SLF1: variants seen among roughly 807,000 people sequenced by gnomAD.
SLF1 encodes SMC5/6 complex localization factor 1, also known as SMC5-SMC6 complex localization factor protein 1.
SLF1 carries 105 observed loss-of-function variants against 123.0 expected under a neutral mutation model. The ratio of observed to expected loss-of-function variants is 0.85; its 90% CI spans 0.73 to 1.00. The LOEUF (loss-of-function observed/expected upper bound fraction) is 1.00, where lower values mean the gene tolerates loss of function less well. Among genes scored for constraint, SLF1 ranks in the 50% least tolerant of loss-of-function variants. SLF1 has a pLI of 0.00. For missense variants in SLF1, 1,239 were observed against 1,223.0 expected (o/e 1.01, Z -0.20); for synonymous variants, 434 against 406.6 (o/e 1.07, Z -0.81).
intron 9 of SLF1, among the ~76,000 whole-genome samples, chr5:94,655,106 T>C (rs552505688): frequency 1.3e-5 from 2 of 152,350 alleles, no homozygotes; most frequent in East Asian, 3.9e-4. Context: ...TTTGAGTTGA[T>C]TTTTGTATAT....
intron 12 of SLF1, among the ~76,000 whole-genome samples, chr5:94,666,661 G>A (rs1359179395): frequency 6.6e-6 from 1 of 151,850 alleles, no homozygotes; most frequent in Non-Finnish European, 1.5e-5. Flanking sequence ...TTTGAGACAT[G>A]AGTCTCGCTC....
intron 1 of SLF1, among the ~76,000 whole-genome samples, chr5:94,620,641 GAATAATA>G (rs1255678720): frequency 6.6e-6 from 1 of 152,070 alleles, no homozygotes; most frequent in African/African-American, 2.4e-5. Context: ...TGTTGGCTTT[GAATAATA>G]AACCCTAAAC....
intron 16 of SLF1, 150 bp from the exon 17 acceptor site, chr5:94,688,356 T>C: frequency 2.9e-6 from 2 of 682,612 alleles, no homozygotes; most frequent in Middle Eastern, 4.1e-4. Flanking sequence ...GTTTTCTTAA[T>C]ATTTTATTAT....
At chr5:94,627,585 C>CATATATATGT (rs1317607883) in intron 1 of SLF1, among the ~76,000 whole-genome samples, 15 of 86,846 alleles carry the variant, frequency 1.7e-4, no homozygotes, top group East Asian at 1.0e-3. Context: ...ATGAAATTAA[C>CATATATATGT]ATATATATAT....
intron 1 of SLF1, among the ~76,000 whole-genome samples, chr5:94,621,452 C>T (rs187686733): frequency 4.7e-4 from 71 of 152,264 alleles, no homozygotes; most frequent in Middle Eastern, 3.4e-3. Context: ...GTAGGTCCTC[C>T]ATAAAAATTA....
At chr5:94,694,382 T>C (rs1753359385) in intron 20 of SLF1, among the ~76,000 whole-genome samples, 1 of 151,894 alleles carries the variant, frequency 6.6e-6, no homozygotes, top group African/African-American at 2.4e-5. Context: ...CAAGGTTTTG[T>C]AGTCTTTGCA....
chr5:94,621,883 T>TACACACAC (rs145332421), intron 1 of SLF1, among the ~76,000 whole-genome samples: 112 of 150,394 alleles, frequency 7.4e-4, no homozygotes, highest in African/African-American at 2.6e-3. Flanking sequence ...TTAATATTTA[T>TACACACAC]ACACACACAC....
At chr5:94,683,072 A>G (rs1327626507) in intron 15 of SLF1, among the ~76,000 whole-genome samples, 3 of 152,238 alleles carry the variant, frequency 2.0e-5, no homozygotes, top group Non-Finnish European at 2.9e-5. Context: ...TCAGTGGGAA[A>G]GAAGATGTCA....
intron 1 of SLF1, among the ~76,000 whole-genome samples, chr5:94,627,645 A>G (rs1310798414): frequency 1.4e-5 from 2 of 138,740 alleles, no homozygotes; most frequent in Non-Finnish European, 3.1e-5. Flanking sequence ...TATGGATTGC[A>G]AATAGGATCT....
Position 94,663,862 on chromosome 5 carries a change from T to C in SLF1, c.1322T>C (p.Ile441Thr). The C allele has an allele frequency of 1.3e-6, 2 of 1,550,810 alleles. No individual in the cohort carries two copies. The highest frequency in any genetic ancestry group is 8.7e-7 in the Non-Finnish European group (1 of 1,146,712). ...EELSTLQAHY[I>T]PPVCVLHALL... is the part of the protein sequence containing the mutation. Reference sequence around the variant, plus strand: ...CTTTCCACTTTGCAGGCACATTATATCCCTCCTGTATGCGTTCTTCATGCC... The same window carrying C: ...CTTTCCACTTTGCAGGCACATTATACCCCTCCTGTATGCGTTCTTCATGCC... The change falls in exon 11 of 21, where the codon ATC (isoleucine) becomes ACC (threonine). Residue 441 changes from isoleucine to threonine, a missense_variant. Coordinates refer to ENST00000265140, the MANE Select transcript of SLF1 (RefSeq NM_032290.4).
At chr5:94,691,683 T>G (rs754559182) in intron 19 of SLF1, 27 bp downstream of exon 19, 2 of 1,513,796 alleles carry the variant, frequency 1.3e-6, no homozygotes, top group Admixed American at 4.0e-5. Flanking sequence ...TGTGGTCTAG[T>G]CCAATGTCTT....
intron 4 of SLF1, among the ~76,000 whole-genome samples, chr5:94,639,484 G>A (rs1253370779): frequency 6.6e-6 from 1 of 151,724 alleles, no homozygotes; most frequent in Non-Finnish European, 1.5e-5. Context: ...ATCTTTAACT[G>A]TTCATAGTCA....
At chr5:94,685,631 T>C (rs1162724926) in intron 15 of SLF1, among the ~76,000 whole-genome samples, 1 of 152,172 alleles carries the variant, frequency 6.6e-6, no homozygotes, top group Non-Finnish European at 1.5e-5. Flanking sequence ...CTTGAGGTTT[T>C]GTAGAAGATA....
At chr5:94,632,935 C>T (rs191786315) in intron 4 of SLF1, among the ~76,000 whole-genome samples, 31 of 151,950 alleles carry the variant, frequency 2.0e-4, no homozygotes, top group Admixed American at 1.7e-3. Context: ...GTGATCTGCC[C>T]GCCTCGGCCT....
rs1165695356 is a variant in SLF1 at position 94,692,127 on chromosome 5, T to G, written c.2566T>G (p.Cys856Gly). The change falls in exon 20 of 21, where the codon TGT becomes GGT. Residue 856 changes from cysteine to glycine, a missense_variant. By Grantham distance (159) the Cys-to-Gly change is radical. Transcript: ENST00000265140. ...HEACNYGNTVCVQEILQRCPE... is the reference protein window; with the variant it reads ...HEACNYGNTVGVQEILQRCPE... ...AGCCTGTAACTATGGCAACACAGTGTGTGTCCAGGAAATTTTGCAACGTTG... is the reference window on the plus strand; with the variant it reads ...AGCCTGTAACTATGGCAACACAGTGGGTGTCCAGGAAATTTTGCAACGTTG... 6.2e-7 allele frequency: 1 copy of G among 1,613,768 alleles called. No homozygotes were observed. Among genetic ancestry groups the G allele is most frequent in the Non-Finnish European group, 8.5e-7 (1 of 1,179,860 alleles).
chr5:94,620,619 TAAA>T (rs1309407305), intron 1 of SLF1, among the ~76,000 whole-genome samples: 1 of 152,130 alleles, frequency 6.6e-6, no homozygotes, highest in Non-Finnish European at 1.5e-5. Context: ...GAAAGTAAAA[TAAA>T]AAATTCTGTG....
rs1373731407 is a variant in SLF1, at chr5:94,625,209, AT to A, written c.1-3601del. 9.6e-4 allele frequency among the ~76,000 whole-genome samples: 143 copies of A among 148,706 alleles called. 1 individual carries two copies. The highest frequency in any genetic ancestry group is 2.9e-3 in the East Asian group (15 of 5,132). Reference sequence around the variant, plus strand: ...CTCCGTCTCAAAAAAAAAAAAAAAAATATTAAACAATAAAAAACTCTTGTAT... The same window carrying A: ...CTCCGTCTCAAAAAAAAAAAAAAAAAATTAAACAATAAAAAACTCTTGTAT... On this transcript the variant is annotated intron_variant, in intron 1 of 20. Transcript: ENST00000265140.
rs950188532 is a variant in SLF1, at chr5:94,630,535, C to T, written c.223C>T (p.His75Tyr). 2 of 1,551,458 alleles carry T rather than the reference C, an allele frequency of 1.3e-6. No individual in the cohort carries two copies. Among genetic ancestry groups the T allele is most frequent in the Non-Finnish European group, 1.7e-6 (2 of 1,146,824 alleles). The change falls in exon 4 of 21, where the codon CAT becomes TAT. Residue 75 changes from histidine (H) to tyrosine (Y), a missense_variant. Physicochemically the swap from His to Tyr is moderately conservative, Grantham distance 83. Transcript: ENST00000265140. ...KWILTKDYII[H>Y]SAKSGRWLDE... ...GATACTAACCAAGGACTATATAATT[C>T]ATAGTGCCAAAAGTGGCAGATGGCT...
Position 94,649,535 on chromosome 5 carries a change from A to C in SLF1, c.676A>C (p.Arg226=). 6.5e-7 allele frequency: 1 copy of C among 1,541,554 alleles called. No individual in the cohort carries two copies. The highest frequency in any genetic ancestry group is 1.2e-5 in the South Asian group (1 of 82,748). The change falls in exon 6 of 21, where the codon AGG becomes CGG. Residue 226 remains arginine, a synonymous_variant. Transcript: ENST00000265140. The part of the protein sequence containing the change: ...HSNEETNKDF[R]KDAGFLEMKG... ...CAATGAAGAAACAAACAAAGATTTC[A>C]GGAAAGATGCAGGATTTCTTGAAAT...
Sources: gnomAD v4.1 joint callset for allele counts (sites outside exome capture counted in the v4.1 genomes callset) on GRCh38, gnomAD v4.1.1 for gene constraint, MANE v1.5 for transcripts, NCBI Gene and HGNC (gene_info 2026-07-23, HGNC 2026-07-21) for gene names.